The following MAP3K6 variants were observed in gnomAD, a reference collection of about 807,000 sequenced individuals.
MAP3K6 encodes apoptosis signal-regulating kinase 2.
In MAP3K6, 105 loss-of-function variants were observed where a neutral mutation model predicts 147.1. That is an observed-to-expected ratio of 0.71 (90% CI 0.61 to 0.84). MAP3K6 has a LOEUF of 0.84. Among genes scored for constraint, MAP3K6 ranks in the 40% least tolerant of loss-of-function variants. The pLI is 0.00. For synonymous variants in MAP3K6, 695 were observed against 732.4 expected, an observed-to-expected ratio of 0.95 and a Z score of 0.82; for missense variants, 1,569 against 1,715.0, an observed-to-expected ratio of 0.91 and a Z score of 1.50.
At chr1:27,361,109 C>G (rs771106959) in intron 13 of MAP3K6, 48 bp downstream of exon 13, 1 of 1,553,752 alleles carries the variant, frequency 6.4e-7, no homozygotes, top group Non-Finnish European at 8.7e-7. Flanking sequence ...CCACTCCCCC[C>G]CGGGCATCCT....
Position 27,366,180 on chromosome 1 carries a change from G to C in MAP3K6, c.340+78C>G. On this transcript the variant is annotated intron_variant, in intron 1 of 28. Coordinates refer to ENST00000357582, the MANE Select transcript of MAP3K6 (RefSeq NM_004672.5). The surrounding 1 kb of genome is among the most constrained non-coding windows in gnomAD (Gnocchi z 5.5). ...CGGTACCCCTCTCGGCCCCTCCCTTGAGCCTTCGAGCCCGGCTTGGTCCCC... is the reference window on the plus strand; with the variant it reads ...CGGTACCCCTCTCGGCCCCTCCCTTCAGCCTTCGAGCCCGGCTTGGTCCCC... 1 of 1,244,052 alleles carries C rather than the reference G, an allele frequency of 8.0e-7. No homozygotes were observed. The highest frequency in any genetic ancestry group is 1.0e-6 in the Non-Finnish European group (1 of 989,610). 77.1% of individuals were successfully genotyped at this position (1,244,052 alleles called of 1,614,324 possible). A position where few individuals can be genotyped will look rare whatever the true frequency, so the allele number is the denominator to read the frequency against.
In MAP3K6 at chr1:27,361,205, G is replaced by T. The variant is rs139401154; in HGVS notation, c.1784C>A (p.Pro595Gln). The change falls in exon 13 of 29, where the codon CCG becomes CAG. Residue 595 changes from proline (P) to glutamine (Q), a missense_variant. Physicochemically the swap from Pro to Gln is moderately conservative, Grantham distance 76. Coordinates refer to ENST00000357582, the MANE Select transcript of MAP3K6 (RefSeq NM_004672.5). Reference sequence around the variant, plus strand: ...GAAGCACAGCTGGACGTCCTGAGCCGGGGGGAGTGCATAGAGGAAGCAGCA... The same window carrying T: ...GAAGCACAGCTGGACGTCCTGAGCCTGGGGGAGTGCATAGAGGAAGCAGCA... ...ERCCFLYALP[P>Q]AQDVQLCFPS... 9 of 1,612,178 alleles carry T rather than the reference G, an allele frequency of 5.6e-6. No homozygotes were observed. In the African/African-American group the frequency reaches 1.2e-4, roughly 22 times the overall value.
At chr1:27,356,529 C>G (rs1317016238) in intron 25 of MAP3K6, 29 bp from the exon 26 acceptor site, 1 of 1,611,166 alleles carries the variant, frequency 6.2e-7, no homozygotes, top group Admixed American at 1.7e-5. Context: ...TAGAATGGAG[C>G]GGTGAGTGGT....
Position 27,363,659 on chromosome 1 carries a change from C to A in MAP3K6, c.865-111G>T, listed in dbSNP as rs980593889. On this transcript the variant is annotated intron_variant, in intron 5 of 28. Transcript: ENST00000357582. ...TCCCACCCAGCCACCATCTTCTGCA[C>A]GCCTCCCTCAGGCCCAGCGGACACA... 1.7e-5 allele frequency: 15 copies of A among 890,360 alleles called. No homozygotes were observed. The Admixed American group carries it at 2.2e-4, about 13-fold the overall frequency. The allele number at this position is 890,360 out of a possible 1,614,324, so 55.2% of individuals were successfully genotyped here.
chr1:27,360,484 C>A lies in MAP3K6; in HGVS notation c.2055-116G>T. The A allele has an allele frequency of 8.0e-6, 11 of 1,369,076 alleles. No homozygotes were observed. The South Asian group carries it at 1.4e-4, about 18-fold the overall frequency. 84.8% of individuals were successfully genotyped at this position (1,369,076 alleles called of 1,614,324 possible). ...CGCCCCGCCCACAAGCCCTCTCCGA[C>A]CTTCCCCACCCTTACTACCCTGCCC... On this transcript the variant is annotated intron_variant, in intron 15 of 28. Coordinates refer to ENST00000357582, the MANE Select transcript of MAP3K6 (RefSeq NM_004672.5). The surrounding 1 kb of genome is among the most constrained non-coding windows in gnomAD (Gnocchi z 4.5).
At chr1:27,362,354 G>A (rs116745033) in intron 8 of MAP3K6, 104 bp from the exon 9 acceptor site, 69,796 of 1,211,508 alleles carry the variant, frequency 0.058, 7,790 homozygotes, top group African/African-American at 0.45. Context: ...ATATGAGTAT[G>A]GCATTGAGTA....
rs1348067318 is a variant in MAP3K6, at chr1:27,364,072, C to T, written c.709G>A (p.Glu237Lys). 1.9e-6 allele frequency: 3 copies of T among 1,612,230 alleles called. No homozygotes were observed. Among genetic ancestry groups the T allele is most frequent in the Non-Finnish European group, 2.5e-6 (3 of 1,179,554 alleles). ...TPTDSCGYFRETIRRDIRQAR... is the reference protein window; with the variant it reads ...TPTDSCGYFRKTIRRDIRQAR... ...TGCCGGATGTCCCGCCGAATGGTCT[C>T]CCGGAAATAGCCACTGATGCCCAGG... The change falls in exon 5 of 29, where the codon GAG (glutamate) becomes AAG (lysine). Residue 237 changes from glutamate to lysine, a missense_variant. Physicochemically the swap from Glu to Lys is moderately conservative, Grantham distance 56. Transcript: ENST00000357582. This position sits in a 1 kb window ranked among gnomAD's most constrained non-coding sequence, Gnocchi z 4.4.
At position 27,359,418 on chromosome 1, in the gene MAP3K6, T is replaced by C. The variant is rs1307678494; in HGVS notation, c.2424A>G (p.Thr808=). 6.2e-7 allele frequency: 1 copy of C among 1,613,938 alleles called. No homozygotes were observed. The highest frequency in any genetic ancestry group is 1.3e-5 in the African/African-American group (1 of 74,888). Residue 808 remains threonine (T), a splice_region_variant and synonymous_variant, in exon 18 of 29, where the codon ACA becomes ACG. Transcript: ENST00000357582. This position sits in a 1 kb window ranked among gnomAD's most constrained non-coding sequence, Gnocchi z 4.4. The part of the protein sequence containing the change: ...AGITPCTETF[T]GTLQYMAPEI... The stretch of plus-strand genomic sequence containing the variant: ...CTCACCACCCCCACACCTTGTTACC[T>C]GTGAAGGTCTCAGTGCAAGGTGTGA...
Position 27,364,233 on chromosome 1 carries a change from G to A in MAP3K6, c.666C>T (p.Arg222=), listed in dbSNP as rs761904231. The A allele has an allele frequency of 1.2e-5, 19 of 1,612,534 alleles. No individual in the cohort carries two copies. The highest frequency in any genetic ancestry group is 3.3e-5 in the Admixed American group (2 of 60,004). Residue 222 remains arginine, a synonymous_variant, in exon 4 of 29, where the codon CGC becomes CGT. Coordinates refer to ENST00000357582, the MANE Select transcript of MAP3K6 (RefSeq NM_004672.5). This position sits in a 1 kb window ranked among gnomAD's most constrained non-coding sequence, Gnocchi z 4.4. ...AGTCTGTGGGTGTGGCCTCCAGCAG[G>A]CGGGCAAGCCGGCCCACCAGGGGAG... ...LLTPLVGRLA[R]LLEATPTDSC... is the part of the protein sequence containing the mutation.
rs1236848433 is a variant in MAP3K6, at chr1:27,357,890, C to T, written c.2916-14G>A. On this transcript the variant is annotated splice_polypyrimidine_tract_variant and intron_variant, in intron 21 of 28. Coordinates refer to ENST00000357582, the MANE Select transcript of MAP3K6 (RefSeq NM_004672.5). ...TCCTCGGGCACCCTGGGCACAAGGG[C>T]GAGCTGCTGATTGAGGACGGGCAGC... The T allele has an allele frequency of 3.2e-6, 5 of 1,572,208 alleles. No homozygotes were observed. Among genetic ancestry groups the T allele is most frequent in the East Asian group, 2.3e-5 (1 of 43,474 alleles).
chr1:27,362,077 A>C lies in MAP3K6; in HGVS notation c.1415+14T>G. ...AGCCCAGGTCAGGCCAAGAATGCAG[A>C]GGGGGCCACCTACCATATGGGGGCA... On this transcript the variant is annotated intron_variant, in intron 9 of 28. Coordinates refer to ENST00000357582, the MANE Select transcript of MAP3K6 (RefSeq NM_004672.5). 6.2e-7 allele frequency: 1 copy of C among 1,602,602 alleles called. No homozygotes were observed. The highest frequency in any genetic ancestry group is 1.1e-5 in the South Asian group (1 of 89,628).
Position 27,358,220 on chromosome 1 carries a change from G to T in MAP3K6, c.2876C>A (p.Pro959Gln). The T allele has an allele frequency of 1.9e-6, 3 of 1,596,304 alleles. No homozygotes were observed. Among genetic ancestry groups the T allele is most frequent in the East Asian group, 2.2e-5 (1 of 44,598 alleles). ...GCCCCCATAACTGAGGCAGCGCTTC[G>T]GGGGGCTGGGTGGGTGCTGAGAGGG... is the stretch of plus-strand genomic sequence containing the variant. ...QAPSQHPPSP[P>Q]KRCLSYGGTS... is the part of the protein sequence containing the mutation. Residue 959 changes from proline to glutamine, a missense_variant, in exon 21 of 29, where the codon CCG becomes CAG. Coordinates refer to ENST00000357582, the MANE Select transcript of MAP3K6 (RefSeq NM_004672.5). The surrounding 1 kb of genome is among the most constrained non-coding windows in gnomAD (Gnocchi z 6.2).
At position 27,360,788 on chromosome 1, in the gene MAP3K6, G is replaced by T; in HGVS notation, c.1971C>A (p.Gly657=). 6.2e-7 allele frequency: 1 copy of T among 1,612,724 alleles called. No homozygotes were observed. Among genetic ancestry groups the T allele is most frequent in the Non-Finnish European group, 8.5e-7 (1 of 1,179,876 alleles). Residue 657 remains glycine (G), a synonymous_variant, in exon 15 of 29, where the codon GGC becomes GGA. Coordinates refer to ENST00000357582, the MANE Select transcript of MAP3K6 (RefSeq NM_004672.5). The surrounding 1 kb of genome is among the most constrained non-coding windows in gnomAD (Gnocchi z 4.5). ...GGCCCGCGTACACCACCCCATACGTGCCCTTGCCCAGCACCAGCCGCTCGC... is the reference window on the plus strand; with the variant it reads ...GGCCCGCGTACACCACCCCATACGTTCCCTTGCCCAGCACCAGCCGCTCGC... ...ETGERLVLGK[G]TYGVVYAGRD... is the part of the protein sequence containing the mutation.
intron 26 of MAP3K6, 103 bp from the exon 27 acceptor site, chr1:27,356,202 A>G: frequency 1.7e-6 from 2 of 1,201,510 alleles, no homozygotes; most frequent in Admixed American, 3.6e-5. Flanking sequence ...TCAGGTGATG[A>G]GCCCAAGTCA....
Position 27,360,449 on chromosome 1 carries a change from C to A in MAP3K6, c.2055-81G>T. 1 of 1,497,248 alleles carries A rather than the reference C, an allele frequency of 6.7e-7. No individual in the cohort carries two copies. Among genetic ancestry groups the A allele is most frequent in the East Asian group, 2.4e-5 (1 of 41,730 alleles). 92.7% of individuals were successfully genotyped at this position (1,497,248 alleles called of 1,614,324 possible). Reference sequence around the variant, plus strand: ...CCATCCCACGCCAGCCTGGCCCCGCCCCAAGGACCCGCCCCGCCCACAAGC... The same window carrying A: ...CCATCCCACGCCAGCCTGGCCCCGCACCAAGGACCCGCCCCGCCCACAAGC... On this transcript the variant is annotated intron_variant, in intron 15 of 28. Coordinates refer to ENST00000357582, the MANE Select transcript of MAP3K6 (RefSeq NM_004672.5). This position sits in a 1 kb window ranked among gnomAD's most constrained non-coding sequence, Gnocchi z 4.5.
chr1:27,364,262 G>C lies in MAP3K6; in HGVS notation c.637C>G (p.Leu213Val). Residue 213 changes from leucine (L) to valine (V), a missense_variant, in exon 4 of 29, where the codon CTC (leucine) becomes GTC (valine). Coordinates refer to ENST00000357582, the MANE Select transcript of MAP3K6 (RefSeq NM_004672.5). This position sits in a 1 kb window ranked among gnomAD's most constrained non-coding sequence, Gnocchi z 4.4. ...GCAAGCCGGCCCACCAGGGGAGTGA[G>C]CAGGGCCTCGGTCCCCACTCCAGCC... Reference protein sequence around the residue: ...VQAGVGTEALLTPLVGRLARL... With the variant: ...VQAGVGTEALVTPLVGRLARL... The C allele has an allele frequency of 6.2e-7, 1 of 1,613,588 alleles. No homozygotes were observed. The highest frequency in any genetic ancestry group is 8.5e-7 in the Non-Finnish European group (1 of 1,180,006).
rs549405730 is a variant in MAP3K6 at position 27,359,791 on chromosome 1, C to G, written c.2319+67G>C. The stretch of plus-strand genomic sequence containing the variant: ...TCACTTAATCTAAACTGCCAGCCTG[C>G]GTCTGGGACCATGTTTCCTTCCCCG... On this transcript the variant is annotated intron_variant, in intron 17 of 28. Transcript: ENST00000357582. The surrounding 1 kb of genome is among the most constrained non-coding windows in gnomAD (Gnocchi z 4.4). 67 of 1,600,346 alleles carry G rather than the reference C, an allele frequency of 4.2e-5. No individual in the cohort carries two copies. In the Admixed American group the frequency reaches 8.6e-4, roughly 20 times the overall value.
chr1:27,364,298 C>T lies in MAP3K6; in HGVS notation c.601G>A (p.Gly201Arg). Residue 201 changes from glycine (G) to arginine (R), a missense_variant, in exon 4 of 29, where the codon GGG becomes AGG. Transcript: ENST00000357582. This position sits in a 1 kb window ranked among gnomAD's most constrained non-coding sequence, Gnocchi z 4.4. ...GTCCCCACTCCAGCCTGTACCAGCC[C>T]ATCAGCCAGGCCCCGCAGAAGGCCT... ...DAGLLRGLADGLVQAGVGTEA... is the reference protein window; with the variant it reads ...DAGLLRGLADRLVQAGVGTEA... 1 of 1,614,024 alleles carries T rather than the reference C, an allele frequency of 6.2e-7. No homozygotes were observed. The highest frequency in any genetic ancestry group is 1.3e-5 in the African/African-American group (1 of 75,068).
chr1:27,358,118 G>A lies in MAP3K6; in HGVS notation c.2915+63C>T. On this transcript the variant is annotated intron_variant, in intron 21 of 28. Transcript: ENST00000357582. This position sits in a 1 kb window ranked among gnomAD's most constrained non-coding sequence, Gnocchi z 6.2. ...GCCCAGGTCCCCAGGGAGGGCTTTT[G>A]TAGGAGAGGAGAAAAAGGCAAAACC... The A allele has an allele frequency of 6.5e-7, 1 of 1,527,036 alleles. No individual in the cohort carries two copies. 94.6% of individuals were successfully genotyped at this position (1,527,036 alleles called of 1,614,324 possible). A position where few individuals can be genotyped will look rare whatever the true frequency, so the allele number is the denominator to read the frequency against.
Sources: gnomAD v4.1 joint callset for allele counts on GRCh38, gnomAD v4.1.1 for gene constraint, Gnocchi (gnomAD v3.1) non-coding constraint, MANE v1.5 for transcripts, NCBI Gene and HGNC (gene_info 2026-07-23, HGNC 2026-07-21) for gene names.